WFDC10B: variants seen among roughly 807,000 people sequenced by gnomAD.
WFDC10B encodes WAP four-disulfide core domain 10B, also known as protein WFDC10B.
Under a neutral mutation model 2.7 loss-of-function variants are expected in WFDC10B, and 1 was observed. The ratio of observed to expected loss-of-function variants is 0.38; its 90% CI spans 0.13 to 1.79. The LOEUF is 1.79. Among genes scored for constraint, WFDC10B ranks in the 40% most tolerant of loss-of-function variants. WFDC10B has a pLI of 0.33. For missense variants in WFDC10B, 71 were observed against 87.8 expected (o/e 0.81, Z 0.76); for synonymous variants, 26 against 32.2 (o/e 0.81, Z 0.65).
chr20:45,698,165 CAG>C (rs1213330185), intron 2 of WFDC10B, among the ~76,000 whole-genome samples: 3 of 152,154 alleles, frequency 2.0e-5, no homozygotes, highest in African/African-American at 4.8e-5. Context: ...GAGTGAAAAA[CAG>C]AGAGTGCCTT....
chr20:45,704,629 A>G (rs1430662445), intron 1 of WFDC10B, 68 bp from the exon 2 acceptor site: 1 of 1,608,890 alleles, frequency 6.2e-7, no homozygotes, highest in Non-Finnish European at 8.5e-7. Context: ...CTGATCCTAG[A>G]GCTGCTGGTG....
chr20:45,685,101 A>T, intron 3 of WFDC10B, 141 bp from the exon 4 acceptor site: 3 of 1,034,890 alleles, frequency 2.9e-6, no homozygotes, highest in South Asian at 3.1e-5. Flanking sequence ...ACTTCCTTCC[A>T]GCCCATCACC....
At chr20:45,701,842 A>C (rs1984175921) in intron 2 of WFDC10B, among the ~76,000 whole-genome samples, 1 of 152,118 alleles carries the variant, frequency 6.6e-6, no homozygotes, top group Non-Finnish European at 1.5e-5. Context: ...ATTATAAAAA[A>C]ATGTTAAGGG....
intron 2 of WFDC10B, among the ~76,000 whole-genome samples, chr20:45,689,218 G>A (rs1203955380): frequency 1.3e-5 from 2 of 151,472 alleles, no homozygotes; most frequent in Non-Finnish European, 2.9e-5. Flanking sequence ...TTTGGTACCA[G>A]TACCATGCTG....
Position 45,695,710 on chromosome 20 carries a change from G to C in WFDC10B, c.-65+8787C>G, listed in dbSNP as rs188574744. Among the ~76,000 whole-genome samples the C allele has an allele frequency of 3.2e-3, 483 of 152,218 alleles. 4 individuals are homozygous for C. Among genetic ancestry groups the C allele is most frequent in the African/African-American group, 0.011 (446 of 41,524 alleles). The stretch of plus-strand genomic sequence containing the variant: ...GAAATTAGAAAATAATTTGAGCCAG[G>C]CATGTTGACTCATGCCTGTAATCCC... On this transcript the variant is annotated intron_variant, in intron 2 of 3. Coordinates refer to ENST00000330523, the MANE Select transcript of WFDC10B (RefSeq NM_172006.2).
At chr20:45,689,091 A>G (rs1195304790) in intron 2 of WFDC10B, among the ~76,000 whole-genome samples, 3 of 148,446 alleles carry the variant, frequency 2.0e-5, no homozygotes, top group Non-Finnish European at 3.0e-5. Context: ...CATTTATTAA[A>G]TAGGGAATCC....
chr20:45,703,367 C>A (rs1404039653), intron 2 of WFDC10B, among the ~76,000 whole-genome samples: 2 of 152,128 alleles, frequency 1.3e-5, no homozygotes, highest in African/African-American at 4.8e-5. Flanking sequence ...CTTCTTTTAC[C>A]CCAATTCTGG....
intron 2 of WFDC10B, among the ~76,000 whole-genome samples, chr20:45,700,216 A>G (rs1984109605): frequency 6.6e-6 from 1 of 152,238 alleles, no homozygotes; most frequent in Non-Finnish European, 1.5e-5. Flanking sequence ...TTCAGGATAT[A>G]TTGTTAAATG....
chr20:45,689,083 T>G (rs545401248), intron 2 of WFDC10B, among the ~76,000 whole-genome samples: 4,448 of 148,678 alleles, frequency 0.03, 74 homozygotes, highest in Middle Eastern at 0.078. Flanking sequence ...CCCAGCACCA[T>G]TTATTAAATA....
intron 2 of WFDC10B, among the ~76,000 whole-genome samples, chr20:45,686,294 T>G (rs917697179): frequency 2.0e-5 from 3 of 152,210 alleles, no homozygotes; most frequent in African/African-American, 7.2e-5. Flanking sequence ...TATTTCTGCT[T>G]TCTAATTATA....
rs939458077 is a variant in WFDC10B at position 45,684,755 on chromosome 20, G to C, written c.*75C>G. On this transcript the variant is annotated 3_prime_UTR_variant, in exon 4 of 4. Transcript: ENST00000330523. ...CTTGTGCTGATGATTTGATGTCCTTGTGCTTCGGATGTGGGCACAGTCTCG... is the reference window on the plus strand; with the variant it reads ...CTTGTGCTGATGATTTGATGTCCTTCTGCTTCGGATGTGGGCACAGTCTCG... 1 of 1,567,512 alleles carries C rather than the reference G, an allele frequency of 6.4e-7. No individual in the cohort carries two copies. Among genetic ancestry groups the C allele is most frequent in the Non-Finnish European group, 8.7e-7 (1 of 1,153,020 alleles).
At chr20:45,700,296 T>A (rs537856980) in intron 2 of WFDC10B, among the ~76,000 whole-genome samples, 3 of 152,284 alleles carry the variant, frequency 2.0e-5, no homozygotes, top group Admixed American at 6.5e-5. Context: ...TAACTAATTA[T>A]CTTAAATCAA....
intron 2 of WFDC10B, among the ~76,000 whole-genome samples, chr20:45,701,649 C>T (rs544177207): frequency 6.6e-6 from 1 of 151,204 alleles, no homozygotes; most frequent in East Asian, 2.0e-4. Flanking sequence ...GTAATCCCAG[C>T]AACTCAGGAG....
chr20:45,689,685 T>G (rs570128256), intron 2 of WFDC10B, among the ~76,000 whole-genome samples: 2 of 152,322 alleles, frequency 1.3e-5, no homozygotes, highest in South Asian at 4.1e-4. Context: ...TTTTGAACAT[T>G]GATTTTCTAT....
chr20:45,689,524 T>C (rs1390043570), intron 2 of WFDC10B, among the ~76,000 whole-genome samples: 1 of 152,092 alleles, frequency 6.6e-6, no homozygotes, highest in Non-Finnish European at 1.5e-5. Flanking sequence ...CATTGAGCAG[T>C]GGTTTGTAGT....
chr20:45,687,186 T>C (rs556113712), intron 2 of WFDC10B, among the ~76,000 whole-genome samples: 2 of 152,224 alleles, frequency 1.3e-5, no homozygotes, highest in East Asian at 3.9e-4. Flanking sequence ...GTGTGTTGTT[T>C]ACCTCCCTGT....
intron 2 of WFDC10B, among the ~76,000 whole-genome samples, chr20:45,690,703 T>C (rs1421777512): frequency 1.3e-5 from 2 of 152,212 alleles, no homozygotes; most frequent in Non-Finnish European, 2.9e-5. Context: ...TATCATTTTT[T>C]ATTGCATCTA....
chr20:45,698,222 C>G (rs1267867947), intron 2 of WFDC10B, among the ~76,000 whole-genome samples: 8 of 152,118 alleles, frequency 5.3e-5, no homozygotes, highest in Admixed American at 5.2e-4. Context: ...CCCAGCAAGG[C>G]TGAACCGAAG....
chr20:45,688,753 G>T (rs1384867756), intron 2 of WFDC10B, among the ~76,000 whole-genome samples: 2 of 152,210 alleles, frequency 1.3e-5, no homozygotes, highest in Non-Finnish European at 2.9e-5. Flanking sequence ...CCCTTTGTCA[G>T]ATGAGTAGGT....
Sources: gnomAD v4.1 joint callset for allele counts (sites outside exome capture counted in the v4.1 genomes callset) on GRCh38, gnomAD v4.1.1 for gene constraint, MANE v1.5 for transcripts, NCBI Gene and HGNC (gene_info 2026-07-23, HGNC 2026-07-21) for gene names.